FAAP20: variants seen among roughly 807,000 people sequenced by gnomAD.
FAAP20 encodes FA core complex associated protein 20.
In FAAP20, 12 loss-of-function variants were observed where a neutral mutation model predicts 16.2. That is an observed-to-expected ratio of 0.74 (90% confidence interval 0.48 to 1.20). The LOEUF (loss-of-function observed/expected upper bound fraction) is 1.20, where lower values mean the gene tolerates loss of function less well. Among genes scored for constraint, FAAP20 ranks in the 50% most tolerant of loss-of-function variants. The probability of loss-of-function intolerance (pLI) is 0.00; values close to 1 mark genes in which losing one functional copy is unlikely to be tolerated. For missense variants in FAAP20, 288 were observed against 245.8 expected, an observed-to-expected ratio of 1.17 and a Z score of -1.15; for synonymous variants, 141 against 110.7, an observed-to-expected ratio of 1.27 and a Z score of -1.72.
chr1:2,194,903 A>C (rs1260674366), upstream of FAAP20: 2 of 679,210 alleles, frequency 2.9e-6, no homozygotes, highest in Non-Finnish European at 3.7e-6. Flanking sequence ...CCTGTAGGGA[A>C]ACTGAGGCCA....
chr1:2,194,018 GT>G lies in FAAP20; in HGVS notation c.177del (p.Leu60CysfsTer99), dbSNP rs1688566391. ...PELILDHEVP[S>X]LPAFPGQEPR... ...CACACCTGTCCTGGGAAGGCGGGCAGTGAAGGCACCTCGTGATCCAGGATCA... is the reference window on the plus strand; with the variant it reads ...CACACCTGTCCTGGGAAGGCGGGCAGGAAGGCACCTCGTGATCCAGGATCA... On this transcript the variant is annotated frameshift_variant, in exon 2 of 4. Coordinates refer to ENST00000378546, the MANE Select transcript of FAAP20 (RefSeq NM_182533.4). LOFTEE classifies it high-confidence loss of function. 1 of 1,612,660 alleles carries G rather than the reference GT, an allele frequency of 6.2e-7. No individual in the cohort carries two copies. The highest frequency in any genetic ancestry group is 1.3e-5 in the African/African-American group (1 of 74,908).
At chr1:2,203,433 C>G, upstream of FAAP20, 1 of 985,820 alleles carries the variant, frequency 1.0e-6, no homozygotes, top group Non-Finnish European at 1.2e-6. Context: ...CTGGCAGCCT[C>G]ACCGGTGCAG....
upstream of FAAP20, among the ~76,000 whole-genome samples, chr1:2,202,369 T>C (rs774221449): frequency 6.6e-6 from 1 of 152,202 alleles, no homozygotes; most frequent in Admixed American, 6.5e-5. Context: ...GACAGGGTCT[T>C]GCACTGTTGC....
At chr1:2,192,779 A>G (rs746228536) in intron 3 of FAAP20, 1 of 1,107,564 alleles carries the variant, frequency 9.0e-7, no homozygotes, top group Non-Finnish European at 1.2e-6. Context: ...ACGCCCAGGC[A>G]TGTAAAGATG....
chr1:2,212,689 G>T, upstream of FAAP20: 1 of 287,322 alleles, frequency 3.5e-6, no homozygotes, highest in Non-Finnish European at 6.9e-6. Context: ...TTCCAAGAAC[G>T]CGAGTCTCTG....
chr1:2,210,823 A>G (rs1472832818), downstream of FAAP20, among the ~76,000 whole-genome samples: 2 of 152,176 alleles, frequency 1.3e-5, no homozygotes, highest in African/African-American at 2.4e-5. Flanking sequence ...CCCATCCTCA[A>G]TTTGGGCTGA....
upstream of FAAP20, chr1:2,194,783 C>G (rs1472431485): frequency 4.4e-6 from 5 of 1,139,580 alleles, no homozygotes; most frequent in African/African-American, 8.2e-5. Flanking sequence ...GAGCGCAAGC[C>G]CCGCCCCCGC....
chr1:2,193,472 C>G, intron 3 of FAAP20, 167 bp downstream of exon 3: 1 of 1,128,322 alleles, frequency 8.9e-7, no homozygotes, highest in Non-Finnish European at 1.2e-6. Flanking sequence ...AGACCCGTGA[C>G]AGAGAGCCAC....
At chr1:2,197,987 T>C, upstream of FAAP20, 1 of 1,282,178 alleles carries the variant, frequency 7.8e-7, no homozygotes, top group Non-Finnish European at 1.0e-6. Context: ...AGGAAGCATG[T>C]TCACCTCCAA....
upstream of FAAP20, chr1:2,194,786 G>A: frequency 2.8e-6 from 3 of 1,076,322 alleles, no homozygotes; most frequent in African/African-American, 1.7e-5. Context: ...CGCAAGCCCC[G>A]CCCCCGCCCC....
upstream of FAAP20, among the ~76,000 whole-genome samples, chr1:2,201,889 C>G (rs1000512883): frequency 4.6e-5 from 7 of 150,964 alleles, no homozygotes; most frequent in Non-Finnish European, 7.4e-5. Flanking sequence ...TGCTGGTGGG[C>G]ACCTGTAGTC....
At chr1:2,186,380 CCTGGCGCTCAGCACGA>C (rs1423033465), downstream of FAAP20, 3 of 175,670 alleles carry the variant, frequency 1.7e-5, no homozygotes, top group Non-Finnish European at 2.5e-5. Context: ...CCACTCCGTG[CCTGGCGCTCAGCACGA>C]CATGGTGGAT....
chr1:2,210,889 A>G (rs1689416337), downstream of FAAP20, among the ~76,000 whole-genome samples: 1 of 152,240 alleles, frequency 6.6e-6, no homozygotes, highest in Non-Finnish European at 1.5e-5. Context: ...GGTCCCAGAC[A>G]GGGACGCAAG....
chr1:2,184,796 C>A, downstream of FAAP20: 2 of 1,391,480 alleles, frequency 1.4e-6, no homozygotes, highest in East Asian at 2.5e-5. Flanking sequence ...GCCCTTGAGT[C>A]CCACCCGCCT....
At chr1:2,198,016 C>A (rs1464344949), upstream of FAAP20, 6 of 1,290,510 alleles carry the variant, frequency 4.6e-6, no homozygotes, top group Non-Finnish European at 6.1e-6. Context: ...CCTTGTCCTG[C>A]CTGTCCTCAA....
At chr1:2,202,016 C>CAA (rs759592309), upstream of FAAP20, among the ~76,000 whole-genome samples, 3 of 61,814 alleles carry the variant, frequency 4.9e-5, no homozygotes, top group African/African-American at 1.2e-4. Flanking sequence ...GACTCTGTCT[C>CAA]AAAAAAAAAA....
intron 3 of FAAP20, chr1:2,192,647 T>G: frequency 9.3e-6 from 11 of 1,186,924 alleles, no homozygotes; most frequent in Non-Finnish European, 1.2e-5. Context: ...AGGGTCTTAC[T>G]CTGTCACCCA....
chr1:2,209,148 C>T (rs541402568), downstream of FAAP20, among the ~76,000 whole-genome samples: 7 of 152,206 alleles, frequency 4.6e-5, no homozygotes, highest in African/African-American at 1.4e-4. Flanking sequence ...CCCCCTCCCT[C>T]GCGTCCTCTC....
At chr1:2,201,564 A>C (rs1689048302), upstream of FAAP20, among the ~76,000 whole-genome samples, 1 of 152,202 alleles carries the variant, frequency 6.6e-6, no homozygotes, top group Non-Finnish European at 1.5e-5. Context: ...TCTACTAAAA[A>C]TACAAAATTT....
Sources: allele counts gnomAD v4.1 joint callset (sites outside exome capture counted in the v4.1 genomes callset), GRCh38; gene constraint gnomAD v4.1.1; transcripts MANE v1.5; gene names NCBI Gene and HGNC (gene_info 2026-07-23, HGNC 2026-07-21).